The following CPNE8 variants were observed in gnomAD, a reference collection of about 807,000 sequenced individuals.
CPNE8 encodes the protein copine 8, also known as copine-8.
A neutral mutation model predicts 81.5 loss-of-function variants in CPNE8; 45 were observed. The observed-to-expected ratio is 0.55, with a 90% CI of 0.44 to 0.71. CPNE8 has a LOEUF of 0.71. CPNE8 is among the 30% of genes least tolerant of loss of function. CPNE8 has a pLI of 0.00. For synonymous variants in CPNE8, 252 were observed against 226.3 expected, an observed-to-expected ratio of 1.11 and a Z score of -1.02; for missense variants, 594 against 672.1, an observed-to-expected ratio of 0.88 and a Z score of 1.28.
At chr12:38,815,753 T>C (rs1279849174) in intron 6 of CPNE8, among the ~76,000 whole-genome samples, 1 of 152,160 alleles carries the variant, frequency 6.6e-6, no homozygotes, top group Non-Finnish European at 1.5e-5. Context: ...TGGGATCTCA[T>C]TTTATAGTTA....
intron 15 of CPNE8, among the ~76,000 whole-genome samples, chr12:38,691,595 AT>A (rs1415525749): frequency 2.0e-4 from 31 of 151,918 alleles, no homozygotes; most frequent in African/African-American, 7.5e-4. Flanking sequence ...AATCATTCTT[AT>A]TTTCATCATC....
chr12:38,674,061 T>C (rs1433271752), intron 18 of CPNE8, among the ~76,000 whole-genome samples: 1 of 152,096 alleles, frequency 6.6e-6, no homozygotes, highest in Non-Finnish European at 1.5e-5. Flanking sequence ...TTCCAGTTAG[T>C]TCAGGACCTC....
chr12:38,894,354 T>A (rs540331020), intron 1 of CPNE8, among the ~76,000 whole-genome samples: 2 of 152,320 alleles, frequency 1.3e-5, no homozygotes, highest in African/African-American at 4.8e-5. Flanking sequence ...ATTTTTTTAA[T>A]TTACTAATTT....
chr12:38,823,470 A>G (rs1943138859), intron 6 of CPNE8, among the ~76,000 whole-genome samples: 1 of 152,208 alleles, frequency 6.6e-6, no homozygotes, highest in African/African-American at 2.4e-5. Flanking sequence ...TGCCTAGATC[A>G]CAAAGTGCTT....
Position 38,723,812 on chromosome 12 carries a change from C to T in CPNE8, c.874G>A (p.Val292Ile). Reference sequence around the variant, plus strand: ...TCAAGGAATGAAACTTCTGTTTCTACCAAGAAAGAGAGTAAAGTTACCTGA... The same window carrying T: ...TCAAGGAATGAAACTTCTGTTTCTATCAAGAAAGAGAGTAAAGTTACCTGA... The part of the protein sequence containing the change: ...SGTVTLLSFL[V>I]ETEVSFLDYI... The change falls in exon 13 of 20, where the codon GTA becomes ATA. Residue 292 changes from valine to isoleucine, a missense_variant. Transcript: ENST00000331366. 1 of 1,587,038 alleles carries T rather than the reference C, an allele frequency of 6.3e-7. No individual in the cohort carries two copies. Among genetic ancestry groups the T allele is most frequent in the Non-Finnish European group, 8.6e-7 (1 of 1,158,040 alleles).
At chr12:38,771,352 C>T (rs1254959077) in intron 7 of CPNE8, among the ~76,000 whole-genome samples, 1 of 148,752 alleles carries the variant, frequency 6.7e-6, no homozygotes, top group Non-Finnish European at 1.5e-5. Flanking sequence ...ATGTTCCCAG[C>T]TAGGAGGGAG....
intron 6 of CPNE8, among the ~76,000 whole-genome samples, chr12:38,790,839 TG>T (rs886648273): frequency 5.3e-5 from 8 of 151,762 alleles, no homozygotes; most frequent in Non-Finnish European, 1.2e-4. Context: ...ATTTGTTTTT[TG>T]TGTGATTTGG....
At chr12:38,721,472 G>A (rs1940562947) in intron 13 of CPNE8, among the ~76,000 whole-genome samples, 1 of 152,148 alleles carries the variant, frequency 6.6e-6, no homozygotes, top group South Asian at 2.1e-4. Context: ...CTGCAAAAAG[G>A]AGCTACCCCC....
intron 6 of CPNE8, among the ~76,000 whole-genome samples, chr12:38,799,829 G>A (rs1942611234): frequency 6.7e-6 from 1 of 148,912 alleles, no homozygotes; most frequent in Non-Finnish European, 1.5e-5. Flanking sequence ...GCAGGGCGAG[G>A]CATTGCCTCA....
Position 38,727,596 on chromosome 12 carries a change from ACTCAAAGCCTG to A in CPNE8, c.798+2676_798+2686del, listed in dbSNP as rs1191806745. Among the ~76,000 whole-genome samples the A allele has an allele frequency of 2.6e-5, 4 of 152,316 alleles. No individual in the cohort carries two copies. The East Asian group carries it at 7.7e-4, about 29-fold the overall frequency. On this transcript the variant is annotated intron_variant, in intron 11 of 19. Transcript: ENST00000331366. ...CTTGGGCTTGTCATTATTTGACTTA[ACTCAAAGCCTG>A]CTCAGAGGGAAATGCCCTATCTCCA...
At position 38,742,000 on chromosome 12, in the gene CPNE8, C is replaced by T. The variant is rs557836734; in HGVS notation, c.723-11642G>A. ...TACCATCTCACACCAGTTAGAATGG[C>T]GATCATTAAAAAGTCAGGAAACAAC... On this transcript the variant is annotated intron_variant, in intron 10 of 19. Coordinates refer to ENST00000331366, the MANE Select transcript of CPNE8 (RefSeq NM_153634.3). Among the ~76,000 whole-genome samples the T allele has an allele frequency of 4.8e-3, 737 of 152,158 alleles. 4 individuals carry two copies. The highest frequency in any genetic ancestry group is 7.4e-3 in the Non-Finnish European group (505 of 67,986).
chr12:38,775,944 G>C (rs1941924230), intron 7 of CPNE8, among the ~76,000 whole-genome samples: 1 of 151,944 alleles, frequency 6.6e-6, no homozygotes. Context: ...TGAACTGATT[G>C]GTATAACTGA....
At chr12:38,778,566 C>T (rs118022161) in intron 6 of CPNE8, among the ~76,000 whole-genome samples, 74 of 152,272 alleles carry the variant, frequency 4.9e-4, no homozygotes, top group East Asian at 1.7e-3. Flanking sequence ...TCCATATCCC[C>T]AAATTGGATA....
intron 13 of CPNE8, among the ~76,000 whole-genome samples, chr12:38,720,071 C>T (rs945869969): frequency 6.6e-6 from 1 of 152,080 alleles, no homozygotes; most frequent in African/African-American, 2.4e-5. Flanking sequence ...CTGCAAGCTC[C>T]ACCTCCCCAG....
At chr12:38,726,979 G>A (rs1017902729) in intron 11 of CPNE8, among the ~76,000 whole-genome samples, 1 of 152,068 alleles carries the variant, frequency 6.6e-6, no homozygotes. Flanking sequence ...CAATAATAAA[G>A]TTATGTAATA....
intron 6 of CPNE8, among the ~76,000 whole-genome samples, chr12:38,795,263 C>T (rs1471217534): frequency 6.6e-6 from 1 of 152,162 alleles, no homozygotes; most frequent in Non-Finnish European, 1.5e-5. Context: ...TTCATGTATA[C>T]ATATATATCC....
intron 1 of CPNE8, among the ~76,000 whole-genome samples, chr12:38,901,754 T>TA (rs1246283519): frequency 6.6e-6 from 1 of 152,140 alleles, no homozygotes; most frequent in African/African-American, 2.4e-5. Flanking sequence ...GTCCCTTCTC[T>TA]AATCCAAACC....
At chr12:38,696,223 C>T (rs1939793421) in intron 14 of CPNE8, among the ~76,000 whole-genome samples, 1 of 152,006 alleles carries the variant, frequency 6.6e-6, no homozygotes, top group African/African-American at 2.4e-5. Flanking sequence ...ACTTTCCCTC[C>T]CACCTCTACC....
At chr12:38,829,606 A>G (rs1943252577) in intron 5 of CPNE8, 151 bp from the exon 6 acceptor site, 1 of 575,760 alleles carries the variant, frequency 1.7e-6, no homozygotes, top group African/African-American at 1.9e-5. Flanking sequence ...ATATGCATTA[A>G]TCTTACCATG....
Sources: gnomAD v4.1 joint callset for allele counts (sites outside exome capture counted in the v4.1 genomes callset) on GRCh38, gnomAD v4.1.1 for gene constraint, MANE v1.5 for transcripts, NCBI Gene and HGNC (gene_info 2026-07-23, HGNC 2026-07-21) for gene names.